MRAP: variants seen among roughly 807,000 people sequenced by gnomAD.
The protein encoded by MRAP is melanocortin-2 receptor accessory protein.
A neutral mutation model predicts 8.7 loss-of-function variants in MRAP; 8 were observed. The observed-to-expected ratio is 0.92, with a 90% confidence interval of 0.54 to 1.66. The LOEUF is 1.66. Among genes scored for constraint, MRAP ranks in the 40% most tolerant of loss-of-function variants. The pLI is 0.00. For missense variants in MRAP, 237 were observed against 217.1 expected (o/e 1.09, Z -0.58); for synonymous variants, 95 against 95.5 (o/e 1.00, Z 0.03).
At chr21:32,312,291 G>C, downstream of MRAP, 3 of 1,347,394 alleles carry the variant, frequency 2.2e-6, no homozygotes, top group Non-Finnish European at 2.9e-6. Flanking sequence ...AAGAGGAAAA[G>C]CTGTTTGCTT....
At chr21:32,300,706 T>TTC (rs2032259413) in intron 1 of MRAP, among the ~76,000 whole-genome samples, 1 of 15,170 alleles carries the variant, frequency 6.6e-5, no homozygotes, top group Admixed American at 8.4e-4. Context: ...AGGGGCGTCA[T>TTC]GCGTCCTATG....
chr21:32,299,164 C>A, intron 1 of MRAP, 87 bp downstream of exon 1: 1 of 954,140 alleles, frequency 1.0e-6, no homozygotes, highest in Non-Finnish European at 1.7e-6. Context: ...TCTGCATTCA[C>A]TTATTAACTC....
chr21:32,300,035 G>A (rs564832230), intron 1 of MRAP, among the ~76,000 whole-genome samples: 19 of 152,276 alleles, frequency 1.2e-4, no homozygotes, highest in African/African-American at 4.3e-4. Context: ...AAACCCATGC[G>A]CTACCTATCC....
At chr21:32,312,447 G>C, downstream of MRAP, 3 of 533,510 alleles carry the variant, frequency 5.6e-6, no homozygotes, top group Non-Finnish European at 8.0e-6. Context: ...CAGATGTGAT[G>C]GCATCTGCCC....
intron 1 of MRAP, among the ~76,000 whole-genome samples, chr21:32,303,124 T>C (rs2032328899): frequency 6.6e-6 from 1 of 151,858 alleles, no homozygotes; most frequent in African/African-American, 2.4e-5. Flanking sequence ...GGATTACAGG[T>C]ATGTGCCACC....
chr21:32,302,729 A>G (rs2123505545), intron 1 of MRAP, among the ~76,000 whole-genome samples: 1 of 152,316 alleles, frequency 6.6e-6, no homozygotes. Flanking sequence ...GAGTAAGGGA[A>G]TAAGAACGGA....
downstream of MRAP, chr21:32,313,564 T>C (rs371016767): frequency 3.3e-5 from 5 of 152,256 alleles, no homozygotes; most frequent in South Asian, 1.0e-3. Context: ...GTGAAGGGAC[T>C]GTATGCCAAC....
At chr21:32,302,252 T>C (rs1038262646) in intron 1 of MRAP, among the ~76,000 whole-genome samples, 1 of 152,230 alleles carries the variant, frequency 6.6e-6, no homozygotes, top group Non-Finnish European at 1.5e-5. Flanking sequence ...AAATGGGTGA[T>C]TAAGCTGGTT....
intron 1 of MRAP, among the ~76,000 whole-genome samples, chr21:32,302,979 C>CTTTTTTT (rs57692462): frequency 5.6e-5 from 7 of 124,278 alleles, no homozygotes; most frequent in African/African-American, 1.6e-4. Context: ...CCCCAATTCC[C>CTTTTTTT]TTTTTTTTTT....
At chr21:32,294,309 GT>G (rs1207782683), upstream of MRAP, among the ~76,000 whole-genome samples, 2 of 152,096 alleles carry the variant, frequency 1.3e-5, no homozygotes, top group Admixed American at 6.6e-5. Flanking sequence ...TAGAGAAGGG[GT>G]TTCGCCATTT....
chr21:32,303,432 A>G lies in MRAP; in HGVS notation c.107-3208A>G, dbSNP rs141545678. The stretch of plus-strand genomic sequence containing the variant: ...ATTAATTTGTTAACTCCAAGTTAGG[A>G]TAAGAATCCTCCCAAGATGAAGTGC... On this transcript the variant is annotated intron_variant, in intron 1 of 2. Coordinates refer to ENST00000303645, the MANE Select transcript of MRAP (RefSeq NM_001379228.1). Among the ~76,000 whole-genome samples the G allele has an allele frequency of 3.6e-3, 543 of 152,378 alleles. 15 individuals are homozygous for G. The East Asian group carries it at 0.086, about 24-fold the overall frequency.
Position 32,311,892 on chromosome 21 carries a change from C to T in MRAP, c.415C>T (p.His139Tyr). The change falls in exon 3 of 3, where the codon CAC (histidine) becomes TAC (tyrosine). Residue 139 changes from histidine to tyrosine, a missense_variant. Coordinates refer to ENST00000303645, the MANE Select transcript of MRAP (RefSeq NM_001379228.1). ...CTTGCCCCTCGGGGGTTTCCAGACC[C>T]ACCCCACTCTCCTCTGGGAACTGAC... Reference protein sequence around the residue: ...STLPLGGFQTHPTLLWELTLN... With the variant: ...STLPLGGFQTYPTLLWELTLN... The T allele has an allele frequency of 6.2e-7, 1 of 1,614,018 alleles. No individual in the cohort carries two copies. Among genetic ancestry groups the T allele is most frequent in the Non-Finnish European group, 8.5e-7 (1 of 1,180,036 alleles).
chr21:32,304,487 C>T (rs1243986334), intron 1 of MRAP, among the ~76,000 whole-genome samples: 1 of 152,032 alleles, frequency 6.6e-6, no homozygotes, highest in African/African-American at 2.4e-5. Context: ...TGGTGGTGGG[C>T]ACCTGTAATC....
chr21:32,308,530 T>C (rs1195188456), intron 2 of MRAP: 1 of 152,722 alleles, frequency 6.5e-6, no homozygotes, highest in African/African-American at 2.4e-5. Flanking sequence ...TTGTTTTATG[T>C]TAATTCTGTT....
At chr21:32,296,603 A>C (rs2032143833), upstream of MRAP, among the ~76,000 whole-genome samples, 1 of 152,186 alleles carries the variant, frequency 6.6e-6, no homozygotes, top group Non-Finnish European at 1.5e-5. Flanking sequence ...CCTCGGCTGA[A>C]CGGCCTAGCC....
In MRAP at chr21:32,312,169, C is replaced by T. The variant is rs2032597796; in HGVS notation, c.*173C>T. ...TTTGACAAAGATTGCAGTGGCCCCT[C>T]GAGTGCAGAGGTCATCCCAGGTGTT... On this transcript the variant is annotated 3_prime_UTR_variant, in exon 3 of 3. Coordinates refer to ENST00000303645, the MANE Select transcript of MRAP (RefSeq NM_001379228.1). The T allele has an allele frequency of 2.0e-6, 3 of 1,515,920 alleles. No homozygotes were observed. Among genetic ancestry groups the T allele is most frequent in the Non-Finnish European group, 1.8e-6 (2 of 1,136,334 alleles). The allele number at this position is 1,515,920 out of a possible 1,614,324, so 93.9% of individuals were successfully genotyped here.
rs1263756379 is a variant in MRAP, at chr21:32,312,133, C to G, written c.*137C>G. ...AGGTCAAGTGCAACTAGAGCAGGAG[C>G]ATCCTATGCCTTTGACAAAGATTGC... is the stretch of plus-strand genomic sequence containing the variant. On this transcript the variant is annotated 3_prime_UTR_variant, in exon 3 of 3. Coordinates refer to ENST00000303645, the MANE Select transcript of MRAP (RefSeq NM_001379228.1). The G allele has an allele frequency of 1.3e-6, 2 of 1,540,936 alleles. No individual in the cohort carries two copies. The highest frequency in any genetic ancestry group is 8.7e-7 in the Non-Finnish European group (1 of 1,149,086).
intron 1 of MRAP, chr21:32,306,418 C>T (rs972861632): frequency 8.3e-6 from 5 of 599,946 alleles, no homozygotes; most frequent in Non-Finnish European, 1.5e-5. Flanking sequence ...TAAACAGACC[C>T]CGTGGCCAGC....
chr21:32,306,614 C>G (rs1424129137), intron 1 of MRAP, 26 bp from the exon 2 acceptor site: 1 of 1,603,982 alleles, frequency 6.2e-7, no homozygotes. Flanking sequence ...TAACCCAGCG[C>G]TGAGATGCAT....
Sources: allele counts gnomAD v4.1 joint callset (sites outside exome capture counted in the v4.1 genomes callset), GRCh38; gene constraint gnomAD v4.1.1; transcripts MANE v1.5; gene names NCBI Gene and HGNC (gene_info 2026-07-23, HGNC 2026-07-21).